SKAP1: variants seen among roughly 807,000 people sequenced by gnomAD.
The protein encoded by SKAP1 is src kinase associated phosphoprotein 1.
A neutral mutation model predicts 58.5 loss-of-function variants in SKAP1; 44 were observed. The ratio of observed to expected loss-of-function variants is 0.75; its 90% CI spans 0.59 to 0.97. SKAP1 has a LOEUF of 0.97. Among genes scored for constraint, SKAP1 ranks in the 50% least tolerant of loss-of-function variants. The probability of loss-of-function intolerance (pLI) is 0.00; values close to 1 mark genes in which losing one functional copy is unlikely to be tolerated. For missense variants in SKAP1, 390 were observed against 435.2 expected (o/e 0.90, Z 0.92); for synonymous variants, 127 against 149.7 (o/e 0.85, Z 1.11).
At chr17:48,391,751 T>A (rs2067348338) in intron 2 of SKAP1, among the ~76,000 whole-genome samples, 1 of 151,690 alleles carries the variant, frequency 6.6e-6, no homozygotes, top group Admixed American at 6.6e-5. Context: ...TCAGAGCTAT[T>A]TAAACTTAGA....
At chr17:48,412,196 T>TA (rs956854903) in intron 1 of SKAP1, among the ~76,000 whole-genome samples, 1 of 151,854 alleles carries the variant, frequency 6.6e-6, no homozygotes, top group Non-Finnish European at 1.5e-5. Context: ...GTTTTGCAAA[T>TA]AAAAAAAAGA....
the SKAP1 span, among the ~76,000 whole-genome samples, chr17:48,443,622 C>T: frequency 1.2e-4 from 19 of 152,172 alleles, no homozygotes; most frequent in East Asian, 2.9e-3. Context: ...ATTACAGGTG[C>T]GTGCCACCAC....
Position 48,173,202 on chromosome 17 carries a change from C to T in SKAP1, c.827-2543G>A, listed in dbSNP as rs530379507. Among the ~76,000 whole-genome samples the T allele has an allele frequency of 1.3e-4, 19 of 149,932 alleles. No homozygotes were observed. In the East Asian group the frequency reaches 2.4e-3, roughly 19 times the overall value. On this transcript the variant is annotated intron_variant, in intron 9 of 12. Transcript: ENST00000336915. The stretch of plus-strand genomic sequence containing the variant: ...CCTTGTCTCTAAAAAAAAAAAAGGA[C>T]GGATACTCTGGGAAATAAAATATAT...
At chr17:48,223,062 T>G (rs1216511232) in intron 4 of SKAP1, among the ~76,000 whole-genome samples, 1 of 10,468 alleles carries the variant, frequency 9.6e-5, no homozygotes, top group African/African-American at 3.1e-4. Context: ...AGACTCCGTC[T>G]CAAAAAAAAA....
chr17:48,295,646 G>A (rs1251737992), intron 4 of SKAP1: 1 of 130,468 alleles, frequency 7.7e-6, no homozygotes, highest in Admixed American at 7.9e-5. Context: ...CATTTTCGCT[G>A]TTTATGGGTA....
At chr17:48,288,878 C>T (rs1197824425) in intron 4 of SKAP1, among the ~76,000 whole-genome samples, 1 of 151,934 alleles carries the variant, frequency 6.6e-6, no homozygotes, top group East Asian at 1.9e-4. Context: ...AGTATATAAA[C>T]TTGTGCAGTG....
chr17:48,364,231 C>A (rs2066973971), intron 2 of SKAP1, among the ~76,000 whole-genome samples: 1 of 152,150 alleles, frequency 6.6e-6, no homozygotes, highest in South Asian at 2.1e-4. Context: ...AACAGTCAAA[C>A]CCCACCACCA....
intron 4 of SKAP1, among the ~76,000 whole-genome samples, chr17:48,268,278 A>C (rs963564410): frequency 3.3e-5 from 5 of 151,582 alleles, no homozygotes; most frequent in South Asian, 2.1e-4. Flanking sequence ...AAAAAAACAA[A>C]AAACCCACAC....
chr17:48,140,615 T>C (rs2063755760), intron 11 of SKAP1, among the ~76,000 whole-genome samples: 1 of 152,126 alleles, frequency 6.6e-6, no homozygotes. Flanking sequence ...AAATTTAACA[T>C]GTAATCCTGC....
chr17:48,225,289 T>C (rs1021076414), intron 4 of SKAP1, among the ~76,000 whole-genome samples: 2 of 152,186 alleles, frequency 1.3e-5, no homozygotes, highest in African/African-American at 2.4e-5. Context: ...TAAAAATCAA[T>C]GAATTAAAGG....
At chr17:48,430,011 G>A (rs2067897982) in intron 1 of SKAP1, 64 bp downstream of exon 1, 4 of 1,220,604 alleles carry the variant, frequency 3.3e-6, no homozygotes, top group Non-Finnish European at 4.2e-6. Flanking sequence ...CTGGCCGTGG[G>A]AGGCCTGGTG....
At chr17:48,325,248 CAAAAAAAAAAAAA>C (rs200281665) in intron 4 of SKAP1, among the ~76,000 whole-genome samples, 4 of 91,456 alleles carry the variant, frequency 4.4e-5, no homozygotes, top group East Asian at 9.1e-4. Context: ...GACTCCGTCT[CAAAAAAAAAAAAA>C]AAAAAAAAAA....
chr17:48,428,068 G>T (rs1397022888), intron 1 of SKAP1, among the ~76,000 whole-genome samples: 1 of 151,948 alleles, frequency 6.6e-6, no homozygotes, highest in African/African-American at 2.4e-5. Context: ...CCAATATATT[G>T]CTATTATTAT....
intron 4 of SKAP1, among the ~76,000 whole-genome samples, chr17:48,273,417 T>C (rs2065658559): frequency 9.0e-6 from 1 of 110,894 alleles, no homozygotes; most frequent in Non-Finnish European, 1.8e-5. Flanking sequence ...CAAACTTTTA[T>C]CACTGTTTTT....
At chr17:48,280,502 A>G (rs8082009) in intron 4 of SKAP1, among the ~76,000 whole-genome samples, 1 of 151,954 alleles carries the variant, frequency 6.6e-6, no homozygotes, top group Non-Finnish European at 1.5e-5. Context: ...CAAACAAAAA[A>G]CAACAACAAA....
At chr17:48,236,760 G>A (rs2065185826) in intron 4 of SKAP1, among the ~76,000 whole-genome samples, 1 of 152,214 alleles carries the variant, frequency 6.6e-6, no homozygotes, top group Non-Finnish European at 1.5e-5. Context: ...GCTAAGGTGT[G>A]TAAGAGTGTG....
chr17:48,349,421 G>A (rs1454591417), intron 3 of SKAP1, among the ~76,000 whole-genome samples: 1 of 152,116 alleles, frequency 6.6e-6, no homozygotes, highest in Non-Finnish European at 1.5e-5. Flanking sequence ...CTTGCCACTG[G>A]AGACACATTT....
rs758622768 is a variant in SKAP1, at chr17:48,162,602, G to C, written c.878-33C>G. On this transcript the variant is annotated intron_variant, in intron 10 of 12. Coordinates refer to ENST00000336915, the MANE Select transcript of SKAP1 (RefSeq NM_003726.4). ...AAGAGAGGAGAAATCAAAGTTAAAA[G>C]GACTCTATTTTTTCCGAGGTACCCA... 4 of 1,554,178 alleles carry C rather than the reference G, an allele frequency of 2.6e-6. No homozygotes were observed. The South Asian group carries it at 4.5e-5, about 18-fold the overall frequency.
intron 9 of SKAP1, among the ~76,000 whole-genome samples, chr17:48,172,834 A>G (rs753749567): frequency 6.6e-6 from 1 of 152,194 alleles, no homozygotes; most frequent in Non-Finnish European, 1.5e-5. Flanking sequence ...ATAAAAATAT[A>G]TTAGAATACT....
Sources: gnomAD v4.1 joint callset for allele counts (sites outside exome capture counted in the v4.1 genomes callset) on GRCh38, gnomAD v4.1.1 for gene constraint, MANE v1.5 for transcripts, NCBI Gene and HGNC (gene_info 2026-07-23, HGNC 2026-07-21) for gene names.